BAIAP2L1: variants seen among roughly 807,000 people sequenced by gnomAD.
BAIAP2L1 encodes BAR/IMD domain containing adaptor protein 2 like 1.
A neutral mutation model predicts 66.3 loss-of-function variants in BAIAP2L1; 35 were observed. That is an observed-to-expected ratio of 0.53 (90% CI 0.40 to 0.70). The LOEUF is 0.70. Among genes scored for constraint, BAIAP2L1 ranks in the 30% least tolerant of loss-of-function variants. The probability of loss-of-function intolerance (pLI) is 0.00; values close to 1 mark genes in which losing one functional copy is unlikely to be tolerated. For synonymous variants in BAIAP2L1, 269 were observed against 248.7 expected (o/e 1.08, Z -0.77); for missense variants, 622 against 656.9 (o/e 0.95, Z 0.58).
chr7:98,340,931 G>A lies in BAIAP2L1; in HGVS notation c.214+14111C>T, dbSNP rs1189064851. Among the ~76,000 whole-genome samples, 5 of 148,818 alleles carry A rather than the reference G, an allele frequency of 3.4e-5. No homozygotes were observed. In the South Asian group the frequency reaches 8.5e-4, roughly 25 times the overall value. ...AGCCTCCCGAGTAGCTGGGATTACA[G>A]GTGCCTGCCACCAGGCCCAGCTAAT... On this transcript the variant is annotated intron_variant, in intron 3 of 13. Transcript: ENST00000005260.
At chr7:98,384,917 C>A (rs1010467884) in intron 1 of BAIAP2L1, among the ~76,000 whole-genome samples, 1 of 152,086 alleles carries the variant, frequency 6.6e-6, no homozygotes, top group East Asian at 1.9e-4. Flanking sequence ...CAGGCTGGTG[C>A]TGAACTCCCG....
intron 3 of BAIAP2L1, among the ~76,000 whole-genome samples, chr7:98,341,619 A>G (rs1163699580): frequency 1.3e-5 from 2 of 152,200 alleles, no homozygotes; most frequent in African/African-American, 4.8e-5. Flanking sequence ...CTGGGGTCCA[A>G]TGAACCAGCC....
At chr7:98,359,398 G>C (rs974081398) in intron 2 of BAIAP2L1, among the ~76,000 whole-genome samples, 11 of 150,954 alleles carry the variant, frequency 7.3e-5, no homozygotes, top group African/African-American at 2.7e-4. Context: ...TCAGCCTCCT[G>C]AGTAGGTGGG....
At chr7:98,342,590 T>C (rs1301534231) in intron 3 of BAIAP2L1, among the ~76,000 whole-genome samples, 1 of 152,206 alleles carries the variant, frequency 6.6e-6, no homozygotes, top group African/African-American at 2.4e-5. Context: ...CAAAATGCAA[T>C]GGCTGACTAA....
chr7:98,371,951 C>T (rs990218973), intron 1 of BAIAP2L1, among the ~76,000 whole-genome samples: 20 of 152,028 alleles, frequency 1.3e-4, no homozygotes, highest in Non-Finnish European at 2.6e-4. Flanking sequence ...CCCGCCACTG[C>T]ACCTGGCTAG....
intron 1 of BAIAP2L1, among the ~76,000 whole-genome samples, chr7:98,393,886 C>T (rs538321755): frequency 6.7e-6 from 1 of 148,602 alleles, no homozygotes; most frequent in South Asian, 2.1e-4. Context: ...GGCGGATCAC[C>T]TGAAGTCGGG....
intron 13 of BAIAP2L1, 33 bp downstream of exon 13, chr7:98,294,041 C>G (rs1278292595): frequency 6.2e-7 from 1 of 1,611,096 alleles, no homozygotes; most frequent in African/African-American, 1.3e-5. Context: ...AGCAATGTCA[C>G]ACACTGAGGC....
At chr7:98,310,750 G>A (rs1332467424) in intron 8 of BAIAP2L1, among the ~76,000 whole-genome samples, 158 bp from the exon 9 acceptor site, 1 of 151,706 alleles carries the variant, frequency 6.6e-6, no homozygotes, top group African/African-American at 2.4e-5. Flanking sequence ...ACAGTGGCAC[G>A]ATCTCAGCTC....
intron 2 of BAIAP2L1, among the ~76,000 whole-genome samples, chr7:98,356,994 C>CAAA (rs1171832329): frequency 0.024 from 58 of 2,424 alleles, 18 homozygotes; most frequent in Admixed American, 0.045. Context: ...GCCCCTGTCT[C>CAAA]AAAAAAAAAA....
At chr7:98,311,892 CAAGA>C (rs1800886275) in intron 8 of BAIAP2L1, among the ~76,000 whole-genome samples, 3 of 152,096 alleles carry the variant, frequency 2.0e-5, no homozygotes, top group African/African-American at 7.2e-5. Context: ...GGCGACAGAG[CAAGA>C]AAGACTCCAC....
At chr7:98,353,427 A>G (rs950116950) in intron 3 of BAIAP2L1, among the ~76,000 whole-genome samples, 4 of 137,178 alleles carry the variant, frequency 2.9e-5, no homozygotes, top group African/African-American at 1.1e-4. Context: ...AAATATATTT[A>G]TATTATATAT....
Position 98,292,355 on chromosome 7 carries a change from CCCA to C in BAIAP2L1, c.*1163_*1165del, listed in dbSNP as rs1011734345. 1.4e-4 allele frequency: 57 copies of C among 394,560 alleles called. No individual in the cohort carries two copies. The highest frequency in any genetic ancestry group is 1.2e-4 in the Non-Finnish European group (25 of 214,002). The allele number at this position is 394,560 out of a possible 1,614,324, so 24.4% of individuals were successfully genotyped here. A position where few individuals can be genotyped will look rare whatever the true frequency, so the allele number is the denominator to read the frequency against. ...TCCTGCCTCAGCCTCCTGAGTGGCG[CCCA>C]CCACCACACCTGTCTAATTTTTGTA... On this transcript the variant is annotated 3_prime_UTR_variant, in exon 14 of 14. Coordinates refer to ENST00000005260, the MANE Select transcript of BAIAP2L1 (RefSeq NM_018842.5).
intron 11 of BAIAP2L1, among the ~76,000 whole-genome samples, chr7:98,305,792 T>C (rs1209972381): frequency 6.6e-6 from 1 of 152,162 alleles, no homozygotes; most frequent in Non-Finnish European, 1.5e-5. Flanking sequence ...AAAAAATCAA[T>C]GCAAAGTCCT....
At chr7:98,326,915 C>T (rs1257567939) in intron 3 of BAIAP2L1, among the ~76,000 whole-genome samples, 1 of 152,044 alleles carries the variant, frequency 6.6e-6, no homozygotes, top group East Asian at 1.9e-4. Context: ...CAGACAACAC[C>T]TTCAATGGAC....
intron 2 of BAIAP2L1, among the ~76,000 whole-genome samples, chr7:98,361,722 C>A (rs1802274021): frequency 6.6e-6 from 1 of 152,054 alleles, no homozygotes; most frequent in Non-Finnish European, 1.5e-5. Context: ...TCCATTCAGG[C>A]TAAAAAAAAT....
intron 1 of BAIAP2L1, among the ~76,000 whole-genome samples, chr7:98,372,086 G>T (rs1562788430): frequency 6.6e-6 from 1 of 151,750 alleles, no homozygotes; most frequent in East Asian, 2.0e-4. Context: ...GAGCCATCGC[G>T]CCCGGCCCTC....
intron 1 of BAIAP2L1, among the ~76,000 whole-genome samples, chr7:98,368,881 C>G (rs1419229162): frequency 1.3e-5 from 2 of 151,682 alleles, no homozygotes; most frequent in African/African-American, 4.8e-5. Flanking sequence ...TGTTGAAGAC[C>G]TGGCTTGTTT....
chr7:98,302,757 T>A lies in BAIAP2L1; in HGVS notation c.1422+1439A>T, dbSNP rs188702153. On this transcript the variant is annotated intron_variant, in intron 12 of 13. Transcript: ENST00000005260. ...ACCAATTATAATGTATGGAGCTGAT[T>A]TGGATCCAGATTCAAACAACTACAC... Among the ~76,000 whole-genome samples the A allele has an allele frequency of 7.9e-5, 12 of 152,282 alleles. No individual in the cohort carries two copies. The East Asian group carries it at 1.9e-3, about 25-fold the overall frequency.
chr7:98,332,098 A>T (rs1304755921), intron 3 of BAIAP2L1, among the ~76,000 whole-genome samples: 1 of 152,000 alleles, frequency 6.6e-6, no homozygotes, highest in Non-Finnish European at 1.5e-5. Flanking sequence ...AGAAAGGAAC[A>T]GGGCTGGGCG....
Sources: gnomAD v4.1 joint callset for allele counts (sites outside exome capture counted in the v4.1 genomes callset) on GRCh38, gnomAD v4.1.1 for gene constraint, MANE v1.5 for transcripts, NCBI Gene and HGNC (gene_info 2026-07-23, HGNC 2026-07-21) for gene names.